The following GSE1 variants were observed in gnomAD, a reference collection of about 807,000 sequenced individuals.
GSE1 encodes the protein Gse1 coiled-coil protein.
GSE1 carries 32 observed loss-of-function variants against 112.6 expected under a neutral mutation model. The ratio of observed to expected loss-of-function variants is 0.28; its 90% CI spans 0.21 to 0.38. The LOEUF (loss-of-function observed/expected upper bound fraction) is 0.38. GSE1 is among the 10% of genes least tolerant of loss of function. The probability of loss-of-function intolerance (pLI) is 1.00; values close to 1 mark genes in which losing one functional copy is unlikely to be tolerated. For synonymous variants in GSE1, 1,115 were observed against 735.6 expected (o/e 1.52, Z -8.35); for missense variants, 2,348 against 1,699.2 (o/e 1.38, Z -6.71).
chr16:85,624,439 A>G (rs1057058379), intron 1 of GSE1, among the ~76,000 whole-genome samples: 1 of 152,232 alleles, frequency 6.6e-6, no homozygotes, highest in South Asian at 2.1e-4. Flanking sequence ...CCTCGAGTCC[A>G]GAGCCTTCCT....
At chr16:85,376,683 C>T (rs1164733499) in intron 2 of GSE1, among the ~76,000 whole-genome samples, 1 of 152,212 alleles carries the variant, frequency 6.6e-6, no homozygotes, top group Non-Finnish European at 1.5e-5. Flanking sequence ...GACGCCATGT[C>T]TGTGCCCTCA....
At chr16:85,245,892 C>CGT (rs1242881162) in intron 1 of GSE1, among the ~76,000 whole-genome samples, 1 of 149,556 alleles carries the variant, frequency 6.7e-6, no homozygotes, top group East Asian at 2.0e-4. Flanking sequence ...TGTGTGTGTG[C>CGT]GTGTGTGTCG....
chr16:85,169,934 A>G, exon 1 of GSE1: 3 of 984,408 alleles, frequency 3.0e-6, no homozygotes, highest in Non-Finnish European at 3.6e-6. Flanking sequence ...GCCCCCCGCG[A>G]GTGGAACGTC....
chr16:85,400,258 TG>T (rs2048068529), intron 2 of GSE1, among the ~76,000 whole-genome samples: 2 of 145,040 alleles, frequency 1.4e-5, no homozygotes, highest in East Asian at 4.2e-4. Context: ...GTTGTGTGTG[TG>T]TGTGTGTGTG....
chr16:85,630,475 T>A (rs1304914172), intron 1 of GSE1, among the ~76,000 whole-genome samples: 1 of 152,108 alleles, frequency 6.6e-6, no homozygotes, highest in Admixed American at 6.5e-5. Flanking sequence ...AGATTACAGG[T>A]ACGCATGTGT....
Position 85,674,263 on chromosome 16 carries a change from T to C in GSE1, c.*1724T>C, listed in dbSNP as rs1567782426. On this transcript the variant is annotated 3_prime_UTR_variant, in exon 16 of 16. Transcript: ENST00000253458. ...CAGCTTGCTGGCAGCTGGCATCGTGTCGCTTTATCTGCCCCCGCACAGTTT... is the reference window on the plus strand; with the variant it reads ...CAGCTTGCTGGCAGCTGGCATCGTGCCGCTTTATCTGCCCCCGCACAGTTT... 1 of 152,312 alleles carries C rather than the reference T, an allele frequency of 6.6e-6. No individual in the cohort carries two copies. The highest frequency in any genetic ancestry group is 1.5e-5 in the Non-Finnish European group (1 of 68,074). The allele number at this position is 152,312 out of a possible 1,614,324, so 9.4% of individuals were successfully genotyped here.
At chr16:85,556,436 C>T (rs1470374688) in intron 1 of GSE1, 2 of 661,262 alleles carry the variant, frequency 3.0e-6, no homozygotes, top group Non-Finnish European at 3.7e-6. Flanking sequence ...ACCCGACCCC[C>T]CTCCGCCAGA....
chr16:85,646,208 TGCATTCTACCTGCTTCTACCAC>T (rs558037544), intron 2 of GSE1, among the ~76,000 whole-genome samples: 3,037 of 148,482 alleles, frequency 0.02, 113 homozygotes, highest in African/African-American at 0.071. Context: ...TTCCTATGCA[TGCATTCTACCTGCTTCTACCAC>T]GCATTCTACC....
At chr16:85,612,099 G>A (rs950366574), upstream of GSE1, among the ~76,000 whole-genome samples, 2 of 152,074 alleles carry the variant, frequency 1.3e-5, no homozygotes, top group Admixed American at 1.3e-4. Context: ...TGAGGAGGGA[G>A]CGACCCCGGG....
upstream of GSE1, among the ~76,000 whole-genome samples, chr16:85,552,110 C>T (rs554770594): frequency 5.3e-5 from 8 of 152,162 alleles, no homozygotes; most frequent in South Asian, 1.7e-3. Flanking sequence ...ACTGCAAGCT[C>T]CGCCTTCAGG....
chr16:85,260,314 C>CTT (rs1379014820), intron 1 of GSE1, among the ~76,000 whole-genome samples: 1 of 112,178 alleles, frequency 8.9e-6, no homozygotes, highest in African/African-American at 4.0e-5. Context: ...TTTTCTTTTT[C>CTT]TTTTCTTTTT....
intron 2 of GSE1, among the ~76,000 whole-genome samples, chr16:85,535,220 T>G (rs1598097436): frequency 6.6e-6 from 1 of 152,174 alleles, no homozygotes; most frequent in Non-Finnish European, 1.5e-5. Flanking sequence ...CTGACTCTGG[T>G]TCCTGCCTCA....
chr16:85,312,359 A>G (rs1051817210), intron 1 of GSE1, among the ~76,000 whole-genome samples: 10 of 152,172 alleles, frequency 6.6e-5, no homozygotes, highest in Admixed American at 5.9e-4. Context: ...AGCTGTTGGC[A>G]GGGCCGCCCT....
intron 2 of GSE1, among the ~76,000 whole-genome samples, chr16:85,515,812 C>T (rs1453854772): frequency 1.3e-5 from 2 of 152,084 alleles, no homozygotes; most frequent in Admixed American, 6.5e-5. Context: ...CTTTAAGCAC[C>T]CCAGAAACAC....
intron 2 of GSE1, among the ~76,000 whole-genome samples, chr16:85,536,866 G>A (rs922233878): frequency 5.3e-5 from 8 of 152,266 alleles, no homozygotes; most frequent in African/African-American, 1.9e-4. Flanking sequence ...TGGGTCACAG[G>A]GGAAGTCTGT....
intron 1 of GSE1, among the ~76,000 whole-genome samples, chr16:85,186,552 G>A (rs1215310096): frequency 1.3e-5 from 2 of 151,324 alleles, no homozygotes; most frequent in Non-Finnish European, 2.9e-5. Flanking sequence ...GCAGTGAGCC[G>A]AGATCGTGCC....
In GSE1 at chr16:85,335,468, C is replaced by T. The variant is rs114607597; in HGVS notation, c.2284-21995C>T. On this transcript the variant is annotated intron_variant, in intron 1 of 2. Transcript: ENST00000637419. The stretch of plus-strand genomic sequence containing the variant: ...GTGGGCAGTTGCAGGAGGCGGAGGC[C>T]GTGCTGTGCGGGCTGGCAGGAGGCG... Among the ~76,000 whole-genome samples, 390 of 150,876 alleles carry T rather than the reference C, an allele frequency of 2.6e-3. 2 individuals carry two copies. Among genetic ancestry groups the T allele is most frequent in the African/African-American group, 9.3e-3 (376 of 40,254 alleles).
intron 1 of GSE1, among the ~76,000 whole-genome samples, chr16:85,331,808 G>A (rs12923273): frequency 0.73 from 109,128 of 149,648 alleles, 40,074 homozygotes; most frequent in East Asian, 0.95. Context: ...TCAGCCTCCC[G>A]AAGTGCTGGG....
At chr16:85,211,275 A>G (rs2075220211) in intron 1 of GSE1, among the ~76,000 whole-genome samples, 1 of 149,250 alleles carries the variant, frequency 6.7e-6, no homozygotes, top group Non-Finnish European at 1.5e-5. Context: ...GCCAGGAGAG[A>G]CTGGTCTCAG....
Sources: gnomAD v4.1 joint callset for allele counts (sites outside exome capture counted in the v4.1 genomes callset) on GRCh38, gnomAD v4.1.1 for gene constraint, MANE v1.5 for transcripts, NCBI Gene and HGNC (gene_info 2026-07-23, HGNC 2026-07-21) for gene names.